GSDME: variants seen among roughly 807,000 people sequenced by gnomAD.
GSDME encodes gasdermin E.
In GSDME, 44 loss-of-function variants were observed where a neutral mutation model predicts 47.5. The ratio of observed to expected loss-of-function variants is 0.93; its 90% confidence interval spans 0.73 to 1.19. The LOEUF (loss-of-function observed/expected upper bound fraction) is 1.19. GSDME is among the 50% of genes most tolerant of loss of function. GSDME has a pLI of 0.00. For missense variants in GSDME, 663 were observed against 604.2 expected, an observed-to-expected ratio of 1.10 and a Z score of -1.02; for synonymous variants, 258 against 252.8, an observed-to-expected ratio of 1.02 and a Z score of -0.20.
At chr7:24,707,377 T>C (rs767410837) in intron 7 of GSDME, 3 of 471,462 alleles carry the variant, frequency 6.4e-6, no homozygotes, top group South Asian at 1.5e-5. Context: ...CTCTCACCAT[T>C]TGTACAACTA....
chr7:24,712,387 C>T lies in GSDME; in HGVS notation c.698-1999G>A, dbSNP rs1789389505. On this transcript the variant is annotated intron_variant, in intron 5 of 9. Transcript: ENST00000645220. This position sits in a 1 kb window ranked among gnomAD's most constrained non-coding sequence, Gnocchi z 4.4. The stretch of plus-strand genomic sequence containing the variant: ...AACCAACTGGCATTTTAAGAATCCA[C>T]AGCACCAACCACACACCACACTCTC... 6.6e-6 allele frequency among the ~76,000 whole-genome samples: 1 copy of T among 152,234 alleles called. No individual in the cohort carries two copies. The highest frequency in any genetic ancestry group is 2.4e-5 in the African/African-American group (1 of 41,458).
chr7:24,707,862 T>G (rs114281522), intron 7 of GSDME: 6 of 573,782 alleles, frequency 1.0e-5, no homozygotes, highest in Admixed American at 6.2e-5. Flanking sequence ...CTTTGGACTT[T>G]TGGGCTCCAA....
At chr7:24,715,746 G>T (rs549223860) in intron 5 of GSDME, among the ~76,000 whole-genome samples, 1 of 152,116 alleles carries the variant, frequency 6.6e-6, no homozygotes, top group Non-Finnish European at 1.5e-5. Context: ...TTGGAACTAC[G>T]GGCCTCAAGG....
chr7:24,792,313 C>T, the GSDME span, among the ~76,000 whole-genome samples: 85 of 152,236 alleles, frequency 5.6e-4, 2 homozygotes, highest in South Asian at 0.016. Flanking sequence ...GTCCACAGAA[C>T]GTTGGACCAA....
intron 6 of GSDME, among the ~76,000 whole-genome samples, chr7:24,709,067 G>T (rs1789242160): frequency 6.6e-6 from 1 of 152,226 alleles, no homozygotes. Flanking sequence ...ACTAGCAGTT[G>T]TATAAAGCCC....
Position 24,756,382 on chromosome 7 carries a change from C to G in GSDME, c.-20+1014G>C, listed in dbSNP as rs375523241. On this transcript the variant is annotated intron_variant, in intron 1 of 9. Coordinates refer to ENST00000645220, the MANE Select transcript of GSDME (RefSeq NM_001127453.2). This position sits in a 1 kb window ranked among gnomAD's most constrained non-coding sequence, Gnocchi z 4.2. ...TCTCAACAATAACAAAGAACCTAGC[C>G]AAGGGACCGTGGCTAGGGGGTTGGG... Among the ~76,000 whole-genome samples the G allele has an allele frequency of 6.6e-6, 1 of 152,160 alleles. No individual in the cohort carries two copies. The highest frequency in any genetic ancestry group is 1.9e-4 in the East Asian group (1 of 5,194).
intron 3 of GSDME, among the ~76,000 whole-genome samples, chr7:24,737,235 T>C (rs1306302723): frequency 6.6e-6 from 1 of 150,840 alleles, no homozygotes; most frequent in Non-Finnish European, 1.5e-5. Context: ...AAAAGATAAA[T>C]GAAGTTGACA....
At position 24,698,827 on chromosome 7, in the gene GSDME, G is replaced by A. The variant is rs1788740345; in HGVS notation, c.*199C>T. The A allele has an allele frequency of 6.5e-6, 4 of 612,646 alleles. No individual in the cohort carries two copies. The highest frequency in any genetic ancestry group is 1.8e-5 in the African/African-American group (1 of 55,072). The allele number at this position is 612,646 out of a possible 1,614,324, so 38.0% of individuals were successfully genotyped here. A position where few individuals can be genotyped will look rare whatever the true frequency, so the allele number is the denominator to read the frequency against. On this transcript the variant is annotated 3_prime_UTR_variant, in exon 10 of 10. Transcript: ENST00000645220. The stretch of plus-strand genomic sequence containing the variant: ...ACTCAGATGCTGGGTCACCAGCACA[G>A]GAGGGCCTCTGATAAGGAAAACTGT...
At chr7:24,709,201 G>A (rs1789247047) in intron 6 of GSDME, among the ~76,000 whole-genome samples, 1 of 152,192 alleles carries the variant, frequency 6.6e-6, no homozygotes, top group Non-Finnish European at 1.5e-5. Context: ...CGCACACCCA[G>A]CTCCCACTGC....
intron 8 of GSDME, chr7:24,704,686 A>C (rs759291362): frequency 2.6e-5 from 4 of 152,138 alleles, no homozygotes; most frequent in Non-Finnish European, 5.9e-5. Flanking sequence ...TTATGTGTCA[A>C]CTGCGTGGCC....
the GSDME span, among the ~76,000 whole-genome samples, chr7:24,775,677 C>T: frequency 0.12 from 18,908 of 151,696 alleles, 1,292 homozygotes; most frequent in East Asian, 0.2. Flanking sequence ...GAGTTTGAGA[C>T]CAGCCTGGCC....
At chr7:24,780,482 T>C in the GSDME span, among the ~76,000 whole-genome samples, 1 of 152,314 alleles carries the variant, frequency 6.6e-6, no homozygotes, top group East Asian at 1.9e-4. This position sits in a 1 kb window ranked among gnomAD's most constrained non-coding sequence, Gnocchi z 4.1. Flanking sequence ...TTTGAGCTGT[T>C]TTCTGCCCTT....
rs1789304589 is a variant in GSDME at position 24,710,375 on chromosome 7, G to A, written c.711C>T (p.Leu237=). The change falls in exon 6 of 10, where the codon CTC becomes CTT. Residue 237 remains leucine (L), a synonymous_variant. Transcript: ENST00000645220. ...KLDGQFEFCL[L]RGKQGGFENK... ...TCTCGAAGCCACCTTGCTTCCCTCGGAGAAGGCAGAACTCTGTAGTGCAGG... is the reference window on the plus strand; with the variant it reads ...TCTCGAAGCCACCTTGCTTCCCTCGAAGAAGGCAGAACTCTGTAGTGCAGG... 2 of 1,614,224 alleles carry A rather than the reference G, an allele frequency of 1.2e-6. No homozygotes were observed. The highest frequency in any genetic ancestry group is 1.7e-6 in the Non-Finnish European group (2 of 1,180,056).
the GSDME span, among the ~76,000 whole-genome samples, chr7:24,775,659 G>A: frequency 7.2e-5 from 11 of 152,110 alleles, no homozygotes; most frequent in East Asian, 1.4e-3. Flanking sequence ...CGGATTGCTC[G>A]AGGTCAGGAG....
chr7:24,736,811 C>A lies in GSDME; in HGVS notation c.404+7751G>T, dbSNP rs1173538971. On this transcript the variant is annotated intron_variant, in intron 3 of 9. Transcript: ENST00000645220. The surrounding 1 kb of genome is among the most constrained non-coding windows in gnomAD (Gnocchi z 4.6). Reference sequence around the variant, plus strand: ...CAAAAAATTGAAATAATATAAAGTACCTTCTCTGACCACAGTGGAATAAAA... The same window carrying A: ...CAAAAAATTGAAATAATATAAAGTAACTTCTCTGACCACAGTGGAATAAAA... Among the ~76,000 whole-genome samples, 1 of 152,094 alleles carries A rather than the reference C, an allele frequency of 6.6e-6. No individual in the cohort carries two copies. The highest frequency in any genetic ancestry group is 2.4e-5 in the African/African-American group (1 of 41,416).
At chr7:24,708,601 A>G (rs112303203) in intron 6 of GSDME, among the ~76,000 whole-genome samples, 161 of 151,996 alleles carry the variant, frequency 1.1e-3, no homozygotes, top group African/African-American at 3.7e-3. Flanking sequence ...GTAAATTATC[A>G]AAGCTGAATT....
chr7:24,706,031 C>G, intron 8 of GSDME, 153 bp downstream of exon 8: 5 of 959,674 alleles, frequency 5.2e-6, no homozygotes, highest in Non-Finnish European at 8.0e-6. Context: ...TCCCATCAGC[C>G]TCCCACCTCT....
chr7:24,740,115 C>T (rs564298515), intron 3 of GSDME, among the ~76,000 whole-genome samples: 2 of 151,836 alleles, frequency 1.3e-5, no homozygotes, highest in East Asian at 3.9e-4. Flanking sequence ...AGGATAAGAT[C>T]CTGTCATTTG....
chr7:24,792,371 C>T, the GSDME span, among the ~76,000 whole-genome samples: 2 of 152,188 alleles, frequency 1.3e-5, no homozygotes, highest in East Asian at 3.8e-4. Flanking sequence ...CTGGTTAACA[C>T]TGGGGTCTTT....
Sources: gnomAD v4.1 joint callset for allele counts (sites outside exome capture counted in the v4.1 genomes callset) on GRCh38, gnomAD v4.1.1 for gene constraint, Gnocchi (gnomAD v3.1) non-coding constraint, MANE v1.5 for transcripts, NCBI Gene and HGNC (gene_info 2026-07-23, HGNC 2026-07-21) for gene names.